SPATA17: variants seen among roughly 807,000 people sequenced by gnomAD.
The protein encoded by SPATA17 is spermatogenesis-associated protein 17.
A neutral mutation model predicts 62.2 loss-of-function variants in SPATA17; 53 were observed. That is an observed-to-expected ratio of 0.85 (90% CI 0.68 to 1.07). The LOEUF is 1.07. Ranked by LOEUF, SPATA17 falls within the 50% of genes least tolerant of loss-of-function variation. The pLI, the probability that SPATA17 is intolerant of heterozygous loss-of-function variation, is 0.00. For missense variants in SPATA17, 466 were observed against 425.5 expected (o/e 1.10, Z -0.84); for synonymous variants, 146 against 146.8 (o/e 0.99, Z 0.04).
At chr1:217,825,203 G>A (rs997037663) in intron 9 of SPATA17, among the ~76,000 whole-genome samples, 2 of 151,626 alleles carry the variant, frequency 1.3e-5, no homozygotes, top group African/African-American at 2.4e-5. Flanking sequence ...CAGGATAGTG[G>A]CTGTCTCTAA....
chr1:217,791,476 A>G (rs1337325382), intron 8 of SPATA17, among the ~76,000 whole-genome samples: 1 of 152,218 alleles, frequency 6.6e-6, no homozygotes, highest in Non-Finnish European at 1.5e-5. Flanking sequence ...CTGTATAGTG[A>G]GAACTGTGCT....
chr1:217,747,461 GA>G (rs907518115), intron 6 of SPATA17, among the ~76,000 whole-genome samples: 1 of 151,994 alleles, frequency 6.6e-6, no homozygotes, highest in African/African-American at 2.4e-5. Flanking sequence ...CTGGAGATTA[GA>G]AAAATTACAG....
intron 3 of SPATA17, among the ~76,000 whole-genome samples, chr1:217,664,099 A>G (rs1670631819): frequency 1.3e-5 from 2 of 151,990 alleles, no homozygotes; most frequent in Non-Finnish European, 2.9e-5. Flanking sequence ...GGAACAGTCA[A>G]AGTTGACAAC....
chr1:217,788,765 C>G (rs1243002999), intron 8 of SPATA17, among the ~76,000 whole-genome samples: 1 of 152,102 alleles, frequency 6.6e-6, no homozygotes, highest in Non-Finnish European at 1.5e-5. Flanking sequence ...GATTTTAGCC[C>G]AGTAAGACCT....
At chr1:217,720,365 A>G (rs1018083170) in intron 5 of SPATA17, among the ~76,000 whole-genome samples, 1 of 152,168 alleles carries the variant, frequency 6.6e-6, no homozygotes, top group African/African-American at 2.4e-5. Flanking sequence ...TCATGTTATT[A>G]TTGTTTTTCT....
intron 1 of SPATA17, among the ~76,000 whole-genome samples, chr1:217,645,220 A>G (rs1670152394): frequency 1.3e-5 from 2 of 152,246 alleles, no homozygotes; most frequent in South Asian, 2.1e-4. Flanking sequence ...GCTTGTATAT[A>G]TACACATAAT....
intron 8 of SPATA17, among the ~76,000 whole-genome samples, chr1:217,800,478 C>T (rs907938550): frequency 4.6e-5 from 7 of 151,914 alleles, no homozygotes; most frequent in African/African-American, 1.7e-4. Context: ...ACGTGCTTTC[C>T]TTGAGACTAG....
chr1:217,651,025 G>A, intron 2 of SPATA17, 72 bp from the exon 3 acceptor site: 1 of 1,123,170 alleles, frequency 8.9e-7, no homozygotes, highest in Non-Finnish European at 1.3e-6. Context: ...TTGTAGGAGA[G>A]TATTTTAACA....
intron 8 of SPATA17, among the ~76,000 whole-genome samples, chr1:217,795,784 T>C (rs749169958): frequency 6.6e-6 from 1 of 152,056 alleles, no homozygotes; most frequent in Non-Finnish European, 1.5e-5. Flanking sequence ...TTTGTATTTC[T>C]TGACACCTTC....
rs374042087 is a variant in SPATA17 at position 217,770,978 on chromosome 1, A to ATTTTTTTTTTTTTTTTTTTT, written c.520-3345_520-3326dup. ...ATGTATCTATTATATAACTCATTGC[A>ATTTTTTTTTTTTTTTTTTTT]TTTTTTTTTTTTTTTTTTTTTTTTT... On this transcript the variant is annotated intron_variant, in intron 6 of 10. Coordinates refer to ENST00000366933, the MANE Select transcript of SPATA17 (RefSeq NM_138796.4). 1.3e-3 allele frequency among the ~76,000 whole-genome samples: 66 copies of ATTTTTTTTTTTTTTTTTTTT among 50,154 alleles called. 9 individuals are homozygous for ATTTTTTTTTTTTTTTTTTTT. Among genetic ancestry groups the ATTTTTTTTTTTTTTTTTTTT allele is most frequent in the East Asian group, 7.5e-3 (9 of 1,198 alleles). 32.9% of individuals were successfully genotyped at this position (50,154 alleles called of 152,430 possible). A position where few individuals can be genotyped will look rare whatever the true frequency, so the allele number is the denominator to read the frequency against.
In SPATA17 at chr1:217,829,443, A is replaced by G. The variant is rs550171615; in HGVS notation, c.1005+27593A>G. Among the ~76,000 whole-genome samples, 43 of 151,260 alleles carry G rather than the reference A, an allele frequency of 2.8e-4. 1 individual carries two copies. The highest frequency in any genetic ancestry group is 1.0e-3 in the African/African-American group (42 of 41,252). On this transcript the variant is annotated intron_variant, in intron 9 of 10. Transcript: ENST00000366933. ...AGGAGTTCAAGACCAGCCTGGCCAA[A>G]ATGGTGAAACCCCGTCTCTACTAAA...
At chr1:217,796,884 C>G (rs1360964157) in intron 8 of SPATA17, among the ~76,000 whole-genome samples, 4 of 152,060 alleles carry the variant, frequency 2.6e-5, no homozygotes, top group Admixed American at 6.5e-5. Flanking sequence ...GAAAAATAGA[C>G]TGTTATTTAT....
At chr1:217,706,029 C>T (rs979442064) in intron 5 of SPATA17, among the ~76,000 whole-genome samples, 7 of 152,114 alleles carry the variant, frequency 4.6e-5, no homozygotes, top group South Asian at 4.2e-4. Context: ...AGGTGTGCAG[C>T]GTTATTTCTG....
chr1:217,744,537 T>C (rs1672704531), intron 6 of SPATA17, among the ~76,000 whole-genome samples: 2 of 152,030 alleles, frequency 1.3e-5, no homozygotes, highest in Admixed American at 1.3e-4. Flanking sequence ...TTAATGGATT[T>C]TCAGGTATTA....
intron 3 of SPATA17, among the ~76,000 whole-genome samples, chr1:217,654,874 G>A (rs768309234): frequency 5.3e-4 from 81 of 151,944 alleles, no homozygotes; most frequent in Non-Finnish European, 1.0e-3. Flanking sequence ...CACCACGCCC[G>A]GCTAATTTTT....
chr1:217,828,749 G>T (rs771092812), intron 9 of SPATA17, among the ~76,000 whole-genome samples: 3 of 151,888 alleles, frequency 2.0e-5, no homozygotes, highest in Admixed American at 6.6e-5. Context: ...CAACTCAACA[G>T]CAAGAAAAAT....
Position 217,770,978 on chromosome 1 carries a change from A to AATTTTTTTTTTTTTTTTTT in SPATA17, c.520-3356_520-3355insATTTTTTTTTTTTTTTTTT, listed in dbSNP as rs1553251071. Among the ~76,000 whole-genome samples, 143 of 50,166 alleles carry AATTTTTTTTTTTTTTTTTT rather than the reference A, an allele frequency of 2.9e-3. 28 individuals are homozygous for AATTTTTTTTTTTTTTTTTT. The highest frequency in any genetic ancestry group is 3.6e-3 in the Non-Finnish European group (111 of 30,434). The allele number at this position is 50,166 out of a possible 152,430, so 32.9% of individuals were successfully genotyped here. A position where few individuals can be genotyped will look rare whatever the true frequency, so the allele number is the denominator to read the frequency against. On this transcript the variant is annotated intron_variant, in intron 6 of 10. Transcript: ENST00000366933. ...ATGTATCTATTATATAACTCATTGCATTTTTTTTTTTTTTTTTTTTTTTTT... is the reference window on the plus strand; with the variant it reads ...ATGTATCTATTATATAACTCATTGCAATTTTTTTTTTTTTTTTTTTTTTTTTTTTTTTTTTTTTTTTTTT...
intron 1 of SPATA17, among the ~76,000 whole-genome samples, chr1:217,631,715 A>G (rs1669781044): frequency 6.6e-6 from 1 of 152,130 alleles, no homozygotes; most frequent in Non-Finnish European, 1.5e-5. Context: ...TTTTTCTTCG[A>G]CATCACCACT....
chr1:217,682,979 T>G (rs934105315), intron 4 of SPATA17, among the ~76,000 whole-genome samples: 2 of 151,972 alleles, frequency 1.3e-5, no homozygotes, highest in Non-Finnish European at 2.9e-5. Flanking sequence ...TAAAGCAAAT[T>G]TTTATAAATC....
Sources: allele counts gnomAD v4.1 joint callset (sites outside exome capture counted in the v4.1 genomes callset), GRCh38; gene constraint gnomAD v4.1.1; transcripts MANE v1.5; gene names NCBI Gene and HGNC (gene_info 2026-07-23, HGNC 2026-07-21).